The following FRYL variants were observed in gnomAD, a reference collection of about 807,000 sequenced individuals.
The protein encoded by FRYL is FRY like transcription coactivator, also known as protein furry homolog-like.
In FRYL, 150 loss-of-function variants were observed where a neutral mutation model predicts 351.2. That is an observed-to-expected ratio of 0.43 (90% CI 0.37 to 0.49). The LOEUF (loss-of-function observed/expected upper bound fraction) is 0.49, where lower values mean the gene tolerates loss of function less well. Among genes scored for constraint, FRYL ranks in the 20% least tolerant of loss-of-function variants. FRYL has a pLI of 0.00. For synonymous variants in FRYL, 1,153 were observed against 1,257.1 expected (o/e 0.92, Z 1.75); for missense variants, 3,036 against 3,619.3 (o/e 0.84, Z 4.13).
intron 53 of FRYL, among the ~76,000 whole-genome samples, chr4:48,524,432 T>G (rs182348727): frequency 3.3e-4 from 51 of 152,262 alleles, no homozygotes; most frequent in African/African-American, 1.1e-3. Context: ...AAACACATAA[T>G]GGCAACAGCA....
chr4:48,586,892 T>C (rs191736845), intron 18 of FRYL, among the ~76,000 whole-genome samples, 164 bp from the exon 19 acceptor site: 1 of 152,196 alleles, frequency 6.6e-6, no homozygotes, highest in Non-Finnish European at 1.5e-5. Flanking sequence ...TTAGCCTATA[T>C]ATGGATAAAA....
chr4:48,508,397 T>C (rs1020896078), intron 59 of FRYL, among the ~76,000 whole-genome samples: 2 of 152,246 alleles, frequency 1.3e-5, no homozygotes, highest in African/African-American at 2.4e-5. Flanking sequence ...ACATGGTATA[T>C]AGTCCTCCAT....
chr4:48,582,185 T>C (rs1165252559), intron 20 of FRYL, among the ~76,000 whole-genome samples: 2 of 152,168 alleles, frequency 1.3e-5, no homozygotes. Context: ...ATAACCCAAA[T>C]GGAAGACTAC....
chr4:48,519,317 G>A (rs1724368020), intron 55 of FRYL, among the ~76,000 whole-genome samples: 1 of 151,930 alleles, frequency 6.6e-6, no homozygotes, highest in Admixed American at 6.6e-5. Context: ...GACACATCAT[G>A]CTATTTCACA....
intron 4 of FRYL, among the ~76,000 whole-genome samples, chr4:48,631,441 CATTATT>C (rs377595565): frequency 3.3e-4 from 50 of 151,556 alleles, no homozygotes; most frequent in Middle Eastern, 3.4e-3. Flanking sequence ...AGAATGAAAA[CATTATT>C]ATTATTATTA....
chr4:48,690,525 T>A (rs2149557562), intron 2 of FRYL, among the ~76,000 whole-genome samples: 1 of 152,252 alleles, frequency 6.6e-6, no homozygotes, highest in South Asian at 2.1e-4. Context: ...GCCTACAAAG[T>A]CTCTGGAAGA....
At chr4:48,594,631 G>T (rs903583920) in intron 15 of FRYL, among the ~76,000 whole-genome samples, 2 of 152,050 alleles carry the variant, frequency 1.3e-5, no homozygotes, top group Non-Finnish European at 2.9e-5. Flanking sequence ...CATTACTTTT[G>T]TACTCTAGTA....
In FRYL at chr4:48,659,918, G is replaced by GAGAAGAAGAAGAAGAAGAAGAAGAAGA. The variant is rs1249228163; in HGVS notation, c.-81+24728_-81+24754dup. Among the ~76,000 whole-genome samples the GAGAAGAAGAAGAAGAAGAAGAAGAAGA allele has an allele frequency of 5.0e-3, 4 of 794 alleles. 1 individual carries two copies. Among genetic ancestry groups the GAGAAGAAGAAGAAGAAGAAGAAGAAGA allele is most frequent in the East Asian group, 0.12 (1 of 8 alleles). 0.5% of individuals were successfully genotyped at this position (794 alleles called of 152,430 possible). A position where few individuals can be genotyped will look rare whatever the true frequency, so the allele number is the denominator to read the frequency against. On this transcript the variant is annotated intron_variant, in intron 3 of 63. Coordinates refer to ENST00000358350, the MANE Select transcript of FRYL (RefSeq NM_015030.2). ...GGAGAAGGAGAAGGAGAAGGAGAAG[G>GAGAAGAAGAAGAAGAAGAAGAAGAAGA]AGAAGAAGAAGAAGAAGAAGAAGAA...
intron 1 of FRYL, among the ~76,000 whole-genome samples, chr4:48,764,144 T>A (rs1352556552): frequency 6.6e-6 from 1 of 152,178 alleles, no homozygotes; most frequent in Non-Finnish European, 1.5e-5. Context: ...AACTCCAGCC[T>A]GTGTGACAGA....
intron 1 of FRYL, among the ~76,000 whole-genome samples, chr4:48,748,743 C>A (rs1407799791): frequency 2.0e-5 from 3 of 152,092 alleles, no homozygotes; most frequent in Non-Finnish European, 4.4e-5. Flanking sequence ...CTCATGAAGC[C>A]CAACTGCTAA....
chr4:48,602,333 C>T (rs1487766402), intron 12 of FRYL, among the ~76,000 whole-genome samples: 1 of 152,038 alleles, frequency 6.6e-6, no homozygotes, highest in Non-Finnish European at 1.5e-5. Flanking sequence ...ACTGATCATA[C>T]CTCTCTGAGT....
At chr4:48,764,207 A>C (rs1385351186) in intron 1 of FRYL, among the ~76,000 whole-genome samples, 1 of 152,124 alleles carries the variant, frequency 6.6e-6, no homozygotes, top group African/African-American at 2.4e-5. Context: ...AAATTCAGTT[A>C]AGTTGCAAGA....
intron 23 of FRYL, among the ~76,000 whole-genome samples, chr4:48,578,360 C>A (rs1425719125): frequency 3.3e-5 from 5 of 152,078 alleles, no homozygotes; most frequent in African/African-American, 1.2e-4. Context: ...CAGTGGTGTA[C>A]TCTGTAAGGA....
chr4:48,590,958 C>T, intron 16 of FRYL, 128 bp from the exon 17 acceptor site: 2 of 647,534 alleles, frequency 3.1e-6, no homozygotes, highest in Non-Finnish European at 5.2e-6. Context: ...GGAACACTAA[C>T]CTTTCTGTCC....
At chr4:48,535,961 TAGAAAAGTGAAACG>T in intron 47 of FRYL, 134 bp from the exon 48 acceptor site, 1 of 645,602 alleles carries the variant, frequency 1.5e-6, no homozygotes, top group South Asian at 4.0e-5. Context: ...TTCAATACGT[TAGAAAAGTGAAACG>T]AGAAAAAAAG....
chr4:48,594,400 G>A (rs1320787154), intron 15 of FRYL, among the ~76,000 whole-genome samples: 2 of 151,990 alleles, frequency 1.3e-5, no homozygotes, highest in Admixed American at 6.6e-5. Flanking sequence ...GAAATCTCCC[G>A]GGGGGTGGGG....
chr4:48,563,894 C>CT, intron 31 of FRYL, 54 bp downstream of exon 31: 1 of 1,565,368 alleles, frequency 6.4e-7, no homozygotes, highest in Non-Finnish European at 8.7e-7. Flanking sequence ...AAAAGAAAAA[C>CT]TTTTCTTTAA....
intron 13 of FRYL, among the ~76,000 whole-genome samples, chr4:48,596,509 G>A (rs1744624066): frequency 6.6e-6 from 1 of 152,032 alleles, no homozygotes; most frequent in Admixed American, 6.6e-5. Flanking sequence ...CTCTAAAACT[G>A]GGAAAAACAG....
chr4:48,752,967 A>C (rs1773402601), intron 1 of FRYL, among the ~76,000 whole-genome samples: 1 of 152,162 alleles, frequency 6.6e-6, no homozygotes, highest in Non-Finnish European at 1.5e-5. Flanking sequence ...AATTGCAGCC[A>C]AAAACAACTG....
Sources: allele counts gnomAD v4.1 joint callset (sites outside exome capture counted in the v4.1 genomes callset), GRCh38; gene constraint gnomAD v4.1.1; transcripts MANE v1.5; gene names NCBI Gene and HGNC (gene_info 2026-07-23, HGNC 2026-07-21).